Variants in C1QTNF3 observed in about 807,000 individuals in gnomAD.
C1QTNF3 encodes the protein C1q and TNF related 3, also known as complement C1q tumor necrosis factor-related protein 3.
A neutral mutation model predicts 32.6 loss-of-function variants in C1QTNF3; 26 were observed. The observed-to-expected ratio is 0.80, with a 90% CI of 0.58 to 1.11. C1QTNF3 has a LOEUF of 1.11. Ranked by LOEUF, C1QTNF3 falls within the 50% of genes least tolerant of loss-of-function variation. The pLI is 0.00. For missense variants in C1QTNF3, 362 were observed against 398.2 expected (o/e 0.91, Z 0.77); for synonymous variants, 155 against 146.0 (o/e 1.06, Z -0.44).
chr5:34,088,540 GT>G, the C1QTNF3 span, among the ~76,000 whole-genome samples: 1 of 152,076 alleles, frequency 6.6e-6, no homozygotes, highest in Admixed American at 6.5e-5. Context: ...AATAAAATGT[GT>G]CAACATATAT....
chr5:34,145,018 A>G, the C1QTNF3 span, among the ~76,000 whole-genome samples: 1 of 152,044 alleles, frequency 6.6e-6, no homozygotes, highest in Non-Finnish European at 1.5e-5. Flanking sequence ...AATCCAAGCT[A>G]CTCGGGAGGC....
At position 34,018,401 on chromosome 5, in the gene C1QTNF3, G is replaced by C. The variant is rs2112089178; in HGVS notation, c.*2182C>G. Among the ~76,000 whole-genome samples, 1 of 152,162 alleles carries C rather than the reference G, an allele frequency of 6.6e-6. No individual in the cohort carries two copies. The highest frequency in any genetic ancestry group is 1.9e-4 in the East Asian group (1 of 5,182). On this transcript the variant is annotated 3_prime_UTR_variant, in exon 6 of 6. Transcript: ENST00000382065. ...AATTCCTAGCCCTTTGCCTTCTATG[G>C]CTGTAAAAACATTCTACTTTATGTT...
chr5:34,183,535 T>C, the C1QTNF3 span, among the ~76,000 whole-genome samples: 3 of 149,594 alleles, frequency 2.0e-5, no homozygotes, highest in African/African-American at 7.3e-5. Context: ...TTTGCCATGT[T>C]GGCCAGGCTG....
the C1QTNF3 span, among the ~76,000 whole-genome samples, chr5:34,068,581 T>G: frequency 6.6e-6 from 1 of 152,128 alleles, no homozygotes; most frequent in Non-Finnish European, 1.5e-5. Flanking sequence ...CAACATAATA[T>G]TTGTATCTTT....
At chr5:34,211,941 G>A in the C1QTNF3 span, among the ~76,000 whole-genome samples, 7 of 152,172 alleles carry the variant, frequency 4.6e-5, no homozygotes, top group African/African-American at 7.2e-5. Context: ...AGCCCGCATC[G>A]CCAAGTCAGT....
the C1QTNF3 span, among the ~76,000 whole-genome samples, chr5:34,196,142 G>C: frequency 3.3e-4 from 50 of 151,700 alleles, no homozygotes; most frequent in African/African-American, 1.1e-3. Flanking sequence ...TGTTTTTTTT[G>C]TTTGTTTGCT....
chr5:34,236,894 C>G, the C1QTNF3 span, among the ~76,000 whole-genome samples: 1,835 of 152,098 alleles, frequency 0.012, 34 homozygotes, highest in African/African-American at 0.042. Flanking sequence ...TTTCTATTAA[C>G]TAAGACCTAA....
chr5:34,052,164 C>A, the C1QTNF3 span, among the ~76,000 whole-genome samples: 107,145 of 152,018 alleles, frequency 0.7, 37,939 homozygotes, highest in East Asian at 0.86. Flanking sequence ...CAAGTTATTA[C>A]TAAACTTTAT....
the C1QTNF3 span, among the ~76,000 whole-genome samples, chr5:34,219,096 C>T: frequency 6.6e-6 from 1 of 151,942 alleles, no homozygotes; most frequent in South Asian, 2.1e-4. Context: ...GGTCTCTGTA[C>T]GTGTTCAATT....
At chr5:34,074,832 A>G in the C1QTNF3 span, among the ~76,000 whole-genome samples, 1 of 151,728 alleles carries the variant, frequency 6.6e-6, no homozygotes, top group African/African-American at 2.4e-5. Flanking sequence ...AAGAGAAAAG[A>G]GAGAGAGAAA....
the C1QTNF3 span, among the ~76,000 whole-genome samples, chr5:34,102,688 C>A: frequency 3.3e-5 from 5 of 152,188 alleles, no homozygotes; most frequent in Admixed American, 6.5e-5. Context: ...AGTTCATGTC[C>A]TTTGTAGGGA....
At chr5:34,083,107 T>A in the C1QTNF3 span, among the ~76,000 whole-genome samples, 1 of 151,208 alleles carries the variant, frequency 6.6e-6, no homozygotes, top group Non-Finnish European at 1.5e-5. Flanking sequence ...AATATACACA[T>A]TTTTTAAATG....
chr5:34,197,520 C>G, the C1QTNF3 span, among the ~76,000 whole-genome samples: 63 of 152,232 alleles, frequency 4.1e-4, no homozygotes, highest in African/African-American at 1.4e-3. Context: ...TACCTATGAT[C>G]ATGTATTTTT....
At chr5:34,141,896 G>A in the C1QTNF3 span, among the ~76,000 whole-genome samples, 2 of 152,064 alleles carry the variant, frequency 1.3e-5, no homozygotes, top group Admixed American at 1.3e-4. Flanking sequence ...TCTGGAGAAT[G>A]GAGCCACCAG....
chr5:34,026,456 C>CAAAAA (rs11335593), intron 4 of C1QTNF3, among the ~76,000 whole-genome samples: 12 of 92,460 alleles, frequency 1.3e-4, no homozygotes, highest in Admixed American at 3.3e-4. Flanking sequence ...AATCTGCCAG[C>CAAAAA]AAAAAAAAAA....
chr5:34,095,204 A>G, the C1QTNF3 span, among the ~76,000 whole-genome samples: 1 of 151,904 alleles, frequency 6.6e-6, no homozygotes, highest in South Asian at 2.1e-4. Flanking sequence ...CTGACTGTGT[A>G]TTTGTACCCT....
the C1QTNF3 span, among the ~76,000 whole-genome samples, chr5:34,159,191 G>C: frequency 6.6e-6 from 1 of 151,910 alleles, no homozygotes; most frequent in African/African-American, 2.4e-5. Flanking sequence ...AAAAAACTCT[G>C]TGTATTTGAA....
the C1QTNF3 span, among the ~76,000 whole-genome samples, chr5:34,139,692 G>A: frequency 6.6e-6 from 1 of 152,078 alleles, no homozygotes; most frequent in Non-Finnish European, 1.5e-5. Context: ...TTAAGTTAAA[G>A]AGTACAATAA....
the C1QTNF3 span, among the ~76,000 whole-genome samples, chr5:34,161,803 G>A: frequency 2.0e-5 from 3 of 152,086 alleles, no homozygotes; most frequent in Admixed American, 2.0e-4. Flanking sequence ...CAATGACAAA[G>A]CTTGGGAGAT....
Sources: allele counts gnomAD v4.1 joint callset (sites outside exome capture counted in the v4.1 genomes callset), GRCh38; gene constraint gnomAD v4.1.1; transcripts MANE v1.5; gene names NCBI Gene and HGNC (gene_info 2026-07-23, HGNC 2026-07-21).